Variants in TTK observed in about 807,000 individuals in gnomAD.
TTK encodes the protein dual specificity protein kinase TTK.
A neutral mutation model predicts 117.3 loss-of-function variants in TTK; 59 were observed. The observed-to-expected ratio is 0.50, with a 90% CI of 0.41 to 0.62. The LOEUF is 0.62. TTK is among the 20% of genes least tolerant of loss of function. The pLI, the probability that TTK is intolerant of heterozygous loss-of-function variation, is 0.00. For synonymous variants in TTK, 302 were observed against 325.0 expected (o/e 0.93, Z 0.76); for missense variants, 921 against 989.4 (o/e 0.93, Z 0.93).
intron 14 of TTK, 70 bp from the exon 15 acceptor site, chr6:80,034,915 T>C: frequency 8.0e-7 from 1 of 1,257,258 alleles, no homozygotes. Context: ...AAAATCCTAA[T>C]AAATTTAGAA....
chr6:80,033,339 A>G (rs573737521), intron 14 of TTK, among the ~76,000 whole-genome samples: 6 of 152,202 alleles, frequency 3.9e-5, no homozygotes, highest in Non-Finnish European at 5.9e-5. Flanking sequence ...CCTTGCCCAC[A>G]CTGTAAAACT....
chr6:80,026,948 T>C (rs1767623373), intron 12 of TTK, among the ~76,000 whole-genome samples: 1 of 152,160 alleles, frequency 6.6e-6, no homozygotes, highest in Non-Finnish European at 1.5e-5. Flanking sequence ...TTACAGTTCA[T>C]GTAGTTCTGG....
chr6:80,023,366 G>T (rs111569199), intron 11 of TTK, among the ~76,000 whole-genome samples: 3,737 of 152,290 alleles, frequency 0.025, 158 homozygotes, highest in African/African-American at 0.085. Flanking sequence ...GGCCAAGGCG[G>T]GCAGATCACG....
intron 10 of TTK, among the ~76,000 whole-genome samples, chr6:80,017,332 C>T (rs1767334904): frequency 6.6e-6 from 1 of 152,184 alleles, no homozygotes; most frequent in African/African-American, 2.4e-5. Flanking sequence ...GATTGCAGTG[C>T]AGTGGTGCAA....
chr6:80,038,442 C>A (rs1324295979), intron 18 of TTK, among the ~76,000 whole-genome samples: 1 of 152,120 alleles, frequency 6.6e-6, no homozygotes, highest in Non-Finnish European at 1.5e-5. Flanking sequence ...TGCAAGCACA[C>A]ATTGTCCCAG....
At chr6:80,032,192 A>AT (rs900980326) in intron 14 of TTK, among the ~76,000 whole-genome samples, 3 of 151,956 alleles carry the variant, frequency 2.0e-5, no homozygotes, top group African/African-American at 4.8e-5. Context: ...AATGACCTCC[A>AT]TTTTTTTGCC....
intron 4 of TTK, among the ~76,000 whole-genome samples, chr6:80,008,929 C>CTCTGTGTGTGTGTG (rs1040111456): frequency 2.8e-5 from 4 of 142,300 alleles, no homozygotes; most frequent in Admixed American, 7.3e-5. Flanking sequence ...AACTATATAT[C>CTCTGTGTGTGTGTG]TGTGTGTGTG....
Position 80,013,285 on chromosome 6 carries a change from C to T in TTK, c.903C>T (p.Thr301=), listed in dbSNP as rs868725653. The T allele has an allele frequency of 1.3e-6, 2 of 1,596,508 alleles. No individual in the cohort carries two copies. Among genetic ancestry groups the T allele is most frequent in the Non-Finnish European group, 8.5e-7 (1 of 1,174,548 alleles). Residue 301 remains threonine, a synonymous_variant, in exon 9 of 22, where the codon ACC becomes ACT. Coordinates refer to ENST00000369798, the MANE Select transcript of TTK (RefSeq NM_003318.5). ...SVVPCFMKRQ[T]SRSECRDLVV... Reference sequence around the variant, plus strand: ...TTTGTTTCACGGGTAAAAGACAAACCTCTAGATCAGAATGCCGAGATTTGG... The same window carrying T: ...TTTGTTTCACGGGTAAAAGACAAACTTCTAGATCAGAATGCCGAGATTTGG...
chr6:80,011,806 G>A lies in TTK; in HGVS notation c.801+5G>A. The A allele has an allele frequency of 6.2e-7, 1 of 1,612,540 alleles. No individual in the cohort carries two copies. The highest frequency in any genetic ancestry group is 8.5e-7 in the Non-Finnish European group (1 of 1,179,128). The stretch of plus-strand genomic sequence containing the variant: ...CAAACTAACAAAACTAAACAGGTAA[G>A]TTACTTTCAATCTGCTTGATTAAGG... On this transcript the variant is annotated splice_donor_5th_base_variant and intron_variant, in intron 7 of 21. Coordinates refer to ENST00000369798, the MANE Select transcript of TTK (RefSeq NM_003318.5).
Position 80,011,149 on chromosome 6 carries a change from A to G in TTK, c.613+192A>G, listed in dbSNP as rs146632526. Among the ~76,000 whole-genome samples, 66 of 152,000 alleles carry G rather than the reference A, an allele frequency of 4.3e-4. 1 individual carries two copies. Among genetic ancestry groups the G allele is most frequent in the African/African-American group, 1.5e-3 (61 of 41,528 alleles). On this transcript the variant is annotated intron_variant, in intron 5 of 21. Transcript: ENST00000369798. ...CAAATTTGTCTTTTTTGCTAACTAAACTTTCGTTAACACATGAAAAACAAC... is the reference window on the plus strand; with the variant it reads ...CAAATTTGTCTTTTTTGCTAACTAAGCTTTCGTTAACACATGAAAAACAAC...
intron 13 of TTK, among the ~76,000 whole-genome samples, chr6:80,030,094 A>T (rs1438811188): frequency 1.3e-5 from 2 of 152,216 alleles, no homozygotes; most frequent in Non-Finnish European, 2.9e-5. Flanking sequence ...TAGAATACTT[A>T]TCTTTTTATT....
intron 11 of TTK, among the ~76,000 whole-genome samples, chr6:80,024,471 A>G (rs1767552163): frequency 6.6e-6 from 1 of 152,228 alleles, no homozygotes; most frequent in African/African-American, 2.4e-5. Flanking sequence ...GAACATTTAC[A>G]ACGTGCTAAG....
In TTK at chr6:80,007,898, G is replaced by T. The variant is rs142681483; in HGVS notation, c.229G>T (p.Val77Phe). The change falls in exon 3 of 22, where the codon GTT becomes TTT. Residue 77 changes from valine to phenylalanine, a missense_variant. Coordinates refer to ENST00000369798, the MANE Select transcript of TTK (RefSeq NM_003318.5). The stretch of plus-strand genomic sequence containing the variant: ...GTTGCTCAAACTAGAGAAAAACAGT[G>T]TTCCGCTAAGTGATGCTCTTTTAAA... ...SLLLKLEKNS[V>F]PLSDALLNKL... The T allele has an allele frequency of 7.9e-5, 127 of 1,613,580 alleles. No individual in the cohort carries two copies. In the African/African-American group the frequency reaches 1.5e-3, roughly 20 times the overall value.
intron 14 of TTK, among the ~76,000 whole-genome samples, chr6:80,033,392 C>T (rs1043964960): frequency 2.4e-4 from 37 of 152,102 alleles, no homozygotes; most frequent in African/African-American, 8.0e-4. Context: ...CATTCCCCAC[C>T]GGTTTGTTTT....
At chr6:80,013,245 T>G in intron 8 of TTK, 34 bp from the exon 9 acceptor site, 1 of 1,540,944 alleles carries the variant, frequency 6.5e-7, no homozygotes, top group East Asian at 2.3e-5. Flanking sequence ...TTTTCAAATT[T>G]AATGTTAAAA....
chr6:80,005,831 T>G lies in TTK; in HGVS notation c.-2-11T>G. On this transcript the variant is annotated splice_polypyrimidine_tract_variant and intron_variant, in intron 1 of 21. Coordinates refer to ENST00000369798, the MANE Select transcript of TTK (RefSeq NM_003318.5). Reference sequence around the variant, plus strand: ...AAAGTAGGAGTTATGACTGTTCAGTTTTTTTCTTAGAAATGGAATCCGAGG... The same window carrying G: ...AAAGTAGGAGTTATGACTGTTCAGTGTTTTTCTTAGAAATGGAATCCGAGG... 1 of 1,611,066 alleles carries G rather than the reference T, an allele frequency of 6.2e-7. No individual in the cohort carries two copies. Among genetic ancestry groups the G allele is most frequent in the Non-Finnish European group, 8.5e-7 (1 of 1,179,192 alleles).
intron 14 of TTK, among the ~76,000 whole-genome samples, chr6:80,033,755 T>C (rs1767818387): frequency 7.4e-6 from 1 of 135,266 alleles, no homozygotes. Context: ...ATAAGGTATG[T>C]GCATTACCAT....
intron 4 of TTK, among the ~76,000 whole-genome samples, chr6:80,009,126 T>C (rs972384251): frequency 6.6e-6 from 1 of 152,072 alleles, no homozygotes; most frequent in East Asian, 1.9e-4. Context: ...CTTTTCTCAT[T>C]TTCCAGGGCC....
chr6:80,014,347 A>C, intron 9 of TTK, 116 bp from the exon 10 acceptor site: 1 of 840,774 alleles, frequency 1.2e-6, no homozygotes, highest in South Asian at 4.1e-5. Context: ...ATATAATTAT[A>C]ATAGAAAATT....
Sources: allele counts gnomAD v4.1 joint callset (sites outside exome capture counted in the v4.1 genomes callset), GRCh38; gene constraint gnomAD v4.1.1; transcripts MANE v1.5; gene names NCBI Gene and HGNC (gene_info 2026-07-23, HGNC 2026-07-21).